Variants in POLE observed in about 807,000 individuals in gnomAD.
POLE encodes DNA polymerase epsilon, catalytic subunit, also known as DNA polymerase epsilon catalytic subunit A.
In POLE, 188 loss-of-function variants were observed where a neutral mutation model predicts 279.2. The observed-to-expected ratio is 0.67, with a 90% confidence interval of 0.60 to 0.76. The LOEUF (loss-of-function observed/expected upper bound fraction) is 0.76. Ranked by LOEUF, POLE falls within the 30% of genes least tolerant of loss-of-function variation. The pLI is 0.00. For missense variants in POLE, 2,703 were observed against 3,016.7 expected, an observed-to-expected ratio of 0.90 and a Z score of 2.44; for synonymous variants, 1,214 against 1,172.5, an observed-to-expected ratio of 1.04 and a Z score of -0.72.
Position 132,661,296 on chromosome 12 carries a change from T to C in POLE, c.2865-132A>G. On this transcript the variant is annotated intron_variant, in intron 24 of 48. Transcript: ENST00000320574. This position sits in a 1 kb window ranked among gnomAD's most constrained non-coding sequence, Gnocchi z 4.1. ...TGTCATCCACGAGGCAGCAAACGTC[T>C]CTCTCCCTTAGGCCACTGCTTCTCT... 1 of 994,758 alleles carries C rather than the reference T, an allele frequency of 1.0e-6. No homozygotes were observed. The highest frequency in any genetic ancestry group is 1.5e-6 in the Non-Finnish European group (1 of 675,264). The allele number at this position is 994,758 out of a possible 1,614,324, so 61.6% of individuals were successfully genotyped here.
At position 132,659,328 on chromosome 12, in the gene POLE, G is replaced by A; in HGVS notation, c.3242C>T (p.Ser1081Phe). The change falls in exon 26 of 49, where the codon TCC (serine) becomes TTC (phenylalanine). Residue 1081 changes from serine (S) to phenylalanine (F), a missense_variant. By Grantham distance (155) the Ser-to-Phe change is radical (BLOSUM62 -2). Coordinates refer to ENST00000320574, the MANE Select transcript of POLE (RefSeq NM_006231.4). ...DAGLSCRYII[S>F]RKPEGSPVTE... ...GACAGGGGAGCCCTCGGGCTTGCGG[G>A]AGATGATGTAGCGGCAACTCAGCCC... The A allele has an allele frequency of 6.2e-7, 1 of 1,612,936 alleles. No individual in the cohort carries two copies. Among genetic ancestry groups the A allele is most frequent in the Non-Finnish European group, 8.5e-7 (1 of 1,180,022 alleles).
chr12:132,660,542 T>G (rs901596521), intron 25 of POLE: 1 of 153,770 alleles, frequency 6.5e-6, no homozygotes. Context: ...GTGGGCTAGT[T>G]ACGTAAATTA....
At chr12:132,627,449 G>A (rs1319839086) in intron 45 of POLE, among the ~76,000 whole-genome samples, 5 of 152,020 alleles carry the variant, frequency 3.3e-5, no homozygotes, top group Admixed American at 6.5e-5. Flanking sequence ...ACAGGCATGC[G>A]CCACCATGCC....
In POLE at chr12:132,677,612, T is replaced by G. The variant is rs1482513360; in HGVS notation, c.686A>C (p.His229Pro). 10 of 1,614,080 alleles carry G rather than the reference T, an allele frequency of 6.2e-6. No homozygotes were observed. In the African/African-American group the frequency reaches 1.2e-4, roughly 19 times the overall value. The stretch of plus-strand genomic sequence containing the variant: ...CTTCAGGTCAATGGAGAGGCGGATG[T>G]GGTAGGGAACATCGTACTCGCGCAT... ...VDMREYDVPY[H>P]IRLSIDLKIH... Residue 229 changes from histidine to proline, a missense_variant, in exon 7 of 49, where the codon CAC (histidine) becomes CCC (proline). Physicochemically the swap from His to Pro is moderately conservative, Grantham distance 77. Transcript: ENST00000320574.
chr12:132,643,662 C>T lies in POLE; in HGVS notation c.4291-102G>A, dbSNP rs5744938. On this transcript the variant is annotated intron_variant, in intron 33 of 48. Transcript: ENST00000320574. ...ATGTGGCTGTGCCCCTGCAGCTGCC[C>T]GGCCCACTGCCCAAAGGCCACTTTT... 3.5e-4 allele frequency: 546 copies of T among 1,538,888 alleles called. 2 individuals carry two copies. The African/African-American group carries it at 4.8e-3, about 14-fold the overall frequency.
chr12:132,632,603 A>T (rs2041956289), intron 44 of POLE, 61 bp downstream of exon 44: 1 of 1,611,868 alleles, frequency 6.2e-7, no homozygotes, highest in South Asian at 1.1e-5. Flanking sequence ...CACCCATGGC[A>T]CACAGAGGAG....
At chr12:132,653,014 A>C (rs187427146) in intron 29 of POLE, among the ~76,000 whole-genome samples, 2 of 152,338 alleles carry the variant, frequency 1.3e-5, no homozygotes, top group East Asian at 3.9e-4. Context: ...GCCATATTTT[A>C]ATACTGAGTC....
intron 27 of POLE, among the ~76,000 whole-genome samples, 159 bp downstream of exon 27, chr12:132,657,709 G>C (rs538941879): frequency 1.6e-4 from 24 of 152,282 alleles, no homozygotes; most frequent in African/African-American, 5.8e-4. Context: ...TTTCAGTTTT[G>C]CCCTAAAAGG....
At position 132,624,009 on chromosome 12, in the gene POLE, A is replaced by G. The variant is rs918599462; in HGVS notation, c.*688T>C. The G allele has an allele frequency of 1.0e-5, 2 of 196,296 alleles. No homozygotes were observed. Among genetic ancestry groups the G allele is most frequent in the Middle Eastern group, 1.7e-3 (1 of 580 alleles). 12.2% of individuals were successfully genotyped at this position (196,296 alleles called of 1,614,324 possible). ...TCTGCTTCCAGCTGGTCCTGTGTGG[A>G]GGTGAAGGACAAGGGCTGCAGTGAG... On this transcript the variant is annotated 3_prime_UTR_variant, in exon 49 of 49. Transcript: ENST00000320574.
chr12:132,681,474 G>A (rs886906661), intron 1 of POLE, among the ~76,000 whole-genome samples, 195 bp from the exon 2 acceptor site: 2 of 152,052 alleles, frequency 1.3e-5, no homozygotes, highest in African/African-American at 2.4e-5. Flanking sequence ...CTCCCGAGTA[G>A]CTGGGACCAC....
At chr12:132,659,579 C>T in intron 25 of POLE, 70 bp from the exon 26 acceptor site, 1 of 1,320,226 alleles carries the variant, frequency 7.6e-7, no homozygotes, top group South Asian at 1.3e-5. Flanking sequence ...CTGGACTGTG[C>T]TCCTCTAGGC....
chr12:132,675,672 C>T lies in POLE; in HGVS notation c.1106+63G>A, dbSNP rs2136010326. On this transcript the variant is annotated intron_variant, in intron 11 of 48. Transcript: ENST00000320574. This position sits in a 1 kb window ranked among gnomAD's most constrained non-coding sequence, Gnocchi z 4.3. ...TAAGTCGACATGGGAAGCGCCCCTG[C>T]ACCACGCAACGCCCTCCCTCTCAAA... 1.3e-6 allele frequency: 2 copies of T among 1,563,722 alleles called. No individual in the cohort carries two copies. Among genetic ancestry groups the T allele is most frequent in the South Asian group, 1.1e-5 (1 of 89,822 alleles).
intron 15 of POLE, 70 bp from the exon 16 acceptor site, chr12:132,672,392 C>T (rs1481821086): frequency 3.0e-6 from 4 of 1,330,776 alleles, no homozygotes; most frequent in Non-Finnish European, 4.3e-6. Context: ...AGGTTTGACG[C>T]TGTGGCTGCA....
Position 132,642,414 on chromosome 12 carries a change from G to A in POLE, c.4953-17C>T, listed in dbSNP as rs2138532315. ...TGAAAGTACCTGCACCAGGGCACAG[G>A]TCAGCACCGGGGCACATCGCCGGGT... On this transcript the variant is annotated splice_polypyrimidine_tract_variant and intron_variant, in intron 37 of 48. Coordinates refer to ENST00000320574, the MANE Select transcript of POLE (RefSeq NM_006231.4). 1 of 1,589,906 alleles carries A rather than the reference G, an allele frequency of 6.3e-7. No individual in the cohort carries two copies. Among genetic ancestry groups the A allele is most frequent in the East Asian group, 2.2e-5 (1 of 44,488 alleles).
Position 132,681,249 on chromosome 12 carries a change from T to G in POLE, c.93A>C (p.Ala31=), listed in dbSNP as rs746063190. ...RDDGATSSVS[A]LKRLERSQWT... is the part of the protein sequence containing the mutation. The stretch of plus-strand genomic sequence containing the variant: ...ACTGACTCCGTTCCAGGCGCTTGAG[T>G]GCCGAAACTGAGGAAGTGGCGCCAT... The change falls in exon 2 of 49, where the codon GCA becomes GCC. Residue 31 remains alanine, a synonymous_variant. Transcript: ENST00000320574. The G allele has an allele frequency of 1.2e-6, 2 of 1,614,176 alleles. No individual in the cohort carries two copies. The highest frequency in any genetic ancestry group is 3.3e-5 in the Admixed American group (2 of 60,024).
intron 39 of POLE, among the ~76,000 whole-genome samples, chr12:132,640,409 C>T (rs2042118464): frequency 6.6e-6 from 1 of 152,260 alleles, no homozygotes; most frequent in African/African-American, 2.4e-5. Flanking sequence ...TACACCGAAG[C>T]AATGGTCAGG....
intron 33 of POLE, 39 bp downstream of exon 33, chr12:132,643,798 A>T (rs2138557270): frequency 6.2e-7 from 1 of 1,601,428 alleles, no homozygotes; most frequent in Non-Finnish European, 8.5e-7. Flanking sequence ...ACCCTGCTGG[A>T]GCCTCCCCCA....
At chr12:132,645,690 T>C (rs2138576032) in intron 32 of POLE, among the ~76,000 whole-genome samples, 1 of 152,300 alleles carries the variant, frequency 6.6e-6, no homozygotes, top group African/African-American at 2.4e-5. Flanking sequence ...AATAAAGCGT[T>C]ATTTGGCGTA....
intron 47 of POLE, 45 bp downstream of exon 47, chr12:132,625,600 C>T: frequency 6.2e-7 from 1 of 1,606,798 alleles, no homozygotes; most frequent in African/African-American, 1.3e-5. Context: ...CAGAAACCCC[C>T]CTGTGGACTC....
Sources: gnomAD v4.1 joint callset for allele counts (sites outside exome capture counted in the v4.1 genomes callset) on GRCh38, gnomAD v4.1.1 for gene constraint, Gnocchi (gnomAD v3.1) non-coding constraint, MANE v1.5 for transcripts, NCBI Gene and HGNC (gene_info 2026-07-23, HGNC 2026-07-21) for gene names.